The following PDZRN4 variants were observed in gnomAD, a reference collection of about 807,000 sequenced individuals.
PDZRN4 encodes PDZ domain containing ring finger 4, also known as PDZ domain-containing RING finger protein 4.
PDZRN4 carries 70 observed loss-of-function variants against 99.0 expected under a neutral mutation model. That is an observed-to-expected ratio of 0.71 (90% CI 0.58 to 0.86). The LOEUF is 0.86. Among genes scored for constraint, PDZRN4 ranks in the 40% least tolerant of loss-of-function variants. PDZRN4 has a pLI of 0.00. For missense variants in PDZRN4, 1,474 were observed against 1,331.2 expected, an observed-to-expected ratio of 1.11 and a Z score of -1.67; for synonymous variants, 551 against 501.6, an observed-to-expected ratio of 1.10 and a Z score of -1.32.
At chr12:41,225,211 G>A (rs1011055048) in intron 3 of PDZRN4, among the ~76,000 whole-genome samples, 2 of 151,992 alleles carry the variant, frequency 1.3e-5, no homozygotes, top group Non-Finnish European at 2.9e-5. Context: ...TTTACTGCCA[G>A]AATTTGCAGT....
At chr12:41,542,031 A>G (rs1308901512) in intron 5 of PDZRN4, among the ~76,000 whole-genome samples, 1 of 152,226 alleles carries the variant, frequency 6.6e-6, no homozygotes, top group Admixed American at 6.5e-5. Context: ...ACTCAAGAGC[A>G]TGATAACAGA....
chr12:41,282,460 C>A (rs986992450), intron 3 of PDZRN4, among the ~76,000 whole-genome samples: 4 of 152,104 alleles, frequency 2.6e-5, no homozygotes, highest in Admixed American at 6.6e-5. Flanking sequence ...TTAGACAGAT[C>A]AATGAGACAG....
chr12:41,412,179 T>C (rs1366356574), intron 3 of PDZRN4: 2 of 152,206 alleles, frequency 1.3e-5, no homozygotes, highest in Non-Finnish European at 2.9e-5. Flanking sequence ...AATGTAGCAG[T>C]CGTAGACCCC....
chr12:41,285,250 T>C (rs779648515), intron 3 of PDZRN4, among the ~76,000 whole-genome samples: 1 of 151,976 alleles, frequency 6.6e-6, no homozygotes, highest in Non-Finnish European at 1.5e-5. Context: ...AACAAACATA[T>C]GAAAAGAAGC....
chr12:41,488,648 C>T (rs138799140), intron 3 of PDZRN4, among the ~76,000 whole-genome samples: 17 of 152,044 alleles, frequency 1.1e-4, no homozygotes, highest in East Asian at 9.7e-4. Flanking sequence ...AGTGGAAGAA[C>T]GACAACATCA....
intron 3 of PDZRN4, among the ~76,000 whole-genome samples, chr12:41,232,706 T>A (rs1052714477): frequency 6.4e-4 from 98 of 152,288 alleles, no homozygotes; most frequent in Admixed American, 1.2e-3. Context: ...TGGCTTTTGT[T>A]GCCGTTGCTT....
chr12:41,555,592 G>A (rs1939143257), intron 6 of PDZRN4, 106 bp from the exon 7 acceptor site: 1 of 832,414 alleles, frequency 1.2e-6, no homozygotes, highest in African/African-American at 1.7e-5. Context: ...CAAATCAACA[G>A]AGAATTTTGA....
intron 5 of PDZRN4, among the ~76,000 whole-genome samples, chr12:41,535,451 C>T (rs1381699791): frequency 6.6e-6 from 1 of 152,208 alleles, no homozygotes; most frequent in African/African-American, 2.4e-5. Context: ...CTGCAAACTT[C>T]TGTGAGGTTT....
intron 3 of PDZRN4, among the ~76,000 whole-genome samples, chr12:41,256,714 A>C (rs145520117): frequency 1.3e-5 from 2 of 152,268 alleles, no homozygotes; most frequent in Non-Finnish European, 2.9e-5. Flanking sequence ...TTTCATATCT[A>C]AGTGTCTACC....
intron 3 of PDZRN4, among the ~76,000 whole-genome samples, chr12:41,263,072 G>A (rs867486696): frequency 2.0e-5 from 3 of 151,992 alleles, no homozygotes; most frequent in Non-Finnish European, 4.4e-5. Flanking sequence ...GTGATTCCTC[G>A]AAATTATTAC....
intron 5 of PDZRN4, among the ~76,000 whole-genome samples, chr12:41,510,656 A>G (rs1034430926): frequency 6.6e-6 from 1 of 152,136 alleles, no homozygotes; most frequent in East Asian, 1.9e-4. Flanking sequence ...CAGAGAACCC[A>G]TGGTCACCTG....
intron 3 of PDZRN4, among the ~76,000 whole-genome samples, chr12:41,444,672 T>C (rs1952708865): frequency 6.6e-6 from 1 of 152,124 alleles, no homozygotes; most frequent in Non-Finnish European, 1.5e-5. Flanking sequence ...GTTACTGCTA[T>C]CACTGGACTA....
At chr12:41,354,272 C>A (rs1951911842) in intron 3 of PDZRN4, among the ~76,000 whole-genome samples, 1 of 151,912 alleles carries the variant, frequency 6.6e-6, no homozygotes, top group South Asian at 2.1e-4. Context: ...AGTATTGGTC[C>A]TCTCCATAAT....
intron 5 of PDZRN4, among the ~76,000 whole-genome samples, chr12:41,514,610 C>T (rs1398522051): frequency 6.6e-6 from 1 of 152,054 alleles, no homozygotes; most frequent in Non-Finnish European, 1.5e-5. Context: ...ATCACATGGT[C>T]TGTTTCACAG....
intron 3 of PDZRN4, among the ~76,000 whole-genome samples, chr12:41,349,512 T>A (rs917600023): frequency 6.6e-5 from 10 of 151,958 alleles, no homozygotes; most frequent in Non-Finnish European, 1.3e-4. Flanking sequence ...AATAGGTTAT[T>A]GAGATAAATA....
chr12:41,450,698 G>A (rs1952767181), intron 3 of PDZRN4, among the ~76,000 whole-genome samples: 1 of 152,142 alleles, frequency 6.6e-6, no homozygotes, highest in Non-Finnish European at 1.5e-5. Context: ...GAGGCGGGGG[G>A]ATCACTTGAG....
chr12:41,385,254 C>T (rs1477761354), intron 3 of PDZRN4, among the ~76,000 whole-genome samples: 1 of 152,096 alleles, frequency 6.6e-6, no homozygotes, highest in Non-Finnish European at 1.5e-5. Context: ...ATCAGAAAAA[C>T]AAGGCAACAC....
intron 3 of PDZRN4, among the ~76,000 whole-genome samples, chr12:41,198,041 A>T (rs1397435415): frequency 2.0e-5 from 3 of 150,846 alleles, no homozygotes; most frequent in Admixed American, 2.0e-4. Context: ...AAGCCTCCCA[A>T]GTAGCTGGGA....
In PDZRN4 at chr12:41,573,062, A is replaced by T. The variant is rs749942240; in HGVS notation, c.2283A>T (p.Pro761=). Reference sequence around the variant, plus strand: ...ACCGTTCCCCTGACAGTTCCCTTCCAAGGGTGATCAACCTCACCAATAAGA... The same window carrying T: ...ACCGTTCCCCTGACAGTTCCCTTCCTAGGGTGATCAACCTCACCAATAAGA... ...TVDRSPDSSL[P]RVINLTNKKN... The change falls in exon 10 of 10, where the codon CCA becomes CCT. Residue 761 remains proline (P), a synonymous_variant. Transcript: ENST00000402685. 1 of 1,614,068 alleles carries T rather than the reference A, an allele frequency of 6.2e-7. No individual in the cohort carries two copies. The highest frequency in any genetic ancestry group is 1.3e-5 in the African/African-American group (1 of 74,942).
Sources: allele counts gnomAD v4.1 joint callset (sites outside exome capture counted in the v4.1 genomes callset), GRCh38; gene constraint gnomAD v4.1.1; transcripts MANE v1.5; gene names NCBI Gene and HGNC (gene_info 2026-07-23, HGNC 2026-07-21).